The following L3MBTL4 variants were observed in gnomAD, a reference collection of about 807,000 sequenced individuals.
The protein encoded by L3MBTL4 is lethal(3)malignant brain tumor-like protein 4.
Under a neutral mutation model 84.5 loss-of-function variants are expected in L3MBTL4, and 70 were observed. That is an observed-to-expected ratio of 0.83 (90% CI 0.68 to 1.01). The LOEUF (loss-of-function observed/expected upper bound fraction) is 1.01, where lower values mean the gene tolerates loss of function less well. Among genes scored for constraint, L3MBTL4 ranks in the 50% least tolerant of loss-of-function variants. The pLI, the probability that L3MBTL4 is intolerant of heterozygous loss-of-function variation, is 0.00. For missense variants in L3MBTL4, 715 were observed against 754.8 expected (o/e 0.95, Z 0.62); for synonymous variants, 274 against 259.8 (o/e 1.05, Z -0.52).
intron 10 of L3MBTL4, among the ~76,000 whole-genome samples, chr18:6,235,086 C>T (rs1420757525): frequency 1.3e-5 from 2 of 152,150 alleles, no homozygotes; most frequent in Non-Finnish European, 2.9e-5. Flanking sequence ...CCAAACACCA[C>T]ATTTTCTCAC....
chr18:6,311,764 T>C (rs112664172), intron 2 of L3MBTL4, 108 bp from the exon 3 acceptor site: 5 of 678,598 alleles, frequency 7.4e-6, no homozygotes, highest in African/African-American at 7.2e-5. Context: ...AGTTGGTTAC[T>C]ATAAATAACC....
rs140374046 is a variant in L3MBTL4, at chr18:6,244,504, A to T, written c.304T>A (p.Cys102Ser). 1.3e-5 allele frequency: 21 copies of T among 1,612,670 alleles called. No homozygotes were observed. The African/African-American group carries it at 1.3e-4, about 10-fold the overall frequency. Residue 102 changes from cysteine to serine, a missense_variant, in exon 6 of 19, where the codon TGT becomes AGT. Physicochemically the swap from Cys to Ser is moderately radical, Grantham distance 112. Coordinates refer to ENST00000317931, the MANE Select transcript of L3MBTL4 (RefSeq NM_001330559.2). ...CTTACCTCCGCTACAGAAAGCACAC[A>T]GAATACCGATGGATGTCGGGGATCA... ...GIDPRHPSVF[C>S]VLSVAEVCGY...
intron 10 of L3MBTL4, among the ~76,000 whole-genome samples, chr18:6,221,082 T>G (rs2046531240): frequency 6.6e-6 from 1 of 152,218 alleles, no homozygotes; most frequent in African/African-American, 2.4e-5. Context: ...TTTCAGATTT[T>G]TTTTTAAAGG....
intron 16 of L3MBTL4, among the ~76,000 whole-genome samples, chr18:6,077,038 G>C (rs1030387486): frequency 1.3e-5 from 2 of 152,124 alleles, no homozygotes; most frequent in East Asian, 3.9e-4. Context: ...CAGGGAGCAG[G>C]TTCTGTCCCA....
At chr18:6,127,529 G>T (rs961236002) in intron 14 of L3MBTL4, among the ~76,000 whole-genome samples, 1 of 152,176 alleles carries the variant, frequency 6.6e-6, no homozygotes, top group Non-Finnish European at 1.5e-5. Context: ...ATAAGTTAGA[G>T]AATACATAGC....
At chr18:6,109,050 T>C (rs1019427090) in intron 14 of L3MBTL4, among the ~76,000 whole-genome samples, 1 of 152,162 alleles carries the variant, frequency 6.6e-6, no homozygotes, top group African/African-American at 2.4e-5. Context: ...CAAGGGACTA[T>C]GAGTCTATGC....
At chr18:6,012,929 T>C (rs1474946084) in intron 16 of L3MBTL4, among the ~76,000 whole-genome samples, 3 of 152,162 alleles carry the variant, frequency 2.0e-5, no homozygotes, top group Non-Finnish European at 2.9e-5. Flanking sequence ...CTGGCACCTC[T>C]CCTCTCTTCT....
chr18:6,071,072 A>T (rs1285550854), intron 16 of L3MBTL4, among the ~76,000 whole-genome samples: 1 of 152,158 alleles, frequency 6.6e-6, no homozygotes, highest in Non-Finnish European at 1.5e-5. Flanking sequence ...CAAACTACTG[A>T]GAAAAATAGA....
chr18:5,993,686 A>T (rs935747759), intron 16 of L3MBTL4, among the ~76,000 whole-genome samples: 2 of 152,214 alleles, frequency 1.3e-5, no homozygotes, highest in African/African-American at 2.4e-5. Context: ...ATTATGCATT[A>T]TAATAATAAT....
chr18:6,030,744 T>C (rs2055754802), intron 16 of L3MBTL4: 2 of 977,768 alleles, frequency 2.0e-6, no homozygotes, highest in African/African-American at 1.8e-5. Flanking sequence ...CTCTACTCCC[T>C]ATTTCGTTAA....
intron 12 of L3MBTL4, among the ~76,000 whole-genome samples, chr18:6,191,713 G>A (rs961642020): frequency 6.6e-6 from 1 of 152,156 alleles, no homozygotes; most frequent in Non-Finnish European, 1.5e-5. Flanking sequence ...ATTGGGCTAG[G>A]TGCAGTGGTT....
At chr18:5,993,685 TATA>T (rs1176003111) in intron 16 of L3MBTL4, among the ~76,000 whole-genome samples, 2 of 152,216 alleles carry the variant, frequency 1.3e-5, no homozygotes, top group Non-Finnish European at 2.9e-5. Context: ...AATTATGCAT[TATA>T]ATAATAATCA....
At chr18:6,142,018 G>A (rs1029051388) in intron 13 of L3MBTL4, among the ~76,000 whole-genome samples, 25 of 152,148 alleles carry the variant, frequency 1.6e-4, no homozygotes, top group Non-Finnish European at 3.5e-4. Context: ...TTTGCATGCT[G>A]GCAAGAACAT....
At chr18:6,257,338 A>G (rs1192564161) in intron 5 of L3MBTL4, among the ~76,000 whole-genome samples, 1 of 152,116 alleles carries the variant, frequency 6.6e-6, no homozygotes, top group Non-Finnish European at 1.5e-5. Context: ...TCACAATTTC[A>G]CCGAGAGACA....
chr18:6,331,550 T>C (rs746403281), intron 1 of L3MBTL4, among the ~76,000 whole-genome samples: 3 of 152,074 alleles, frequency 2.0e-5, no homozygotes, highest in African/African-American at 4.8e-5. Flanking sequence ...CCAACCTAAG[T>C]GTCATAAGAA....
intron 13 of L3MBTL4, among the ~76,000 whole-genome samples, chr18:6,165,921 G>C (rs560457607): frequency 4.6e-5 from 7 of 152,270 alleles, no homozygotes; most frequent in Middle Eastern, 3.4e-3. Context: ...TCAGTGTGCT[G>C]TATTCAGGAA....
At chr18:5,963,502 C>T (rs938910721) in intron 17 of L3MBTL4, among the ~76,000 whole-genome samples, 4 of 152,206 alleles carry the variant, frequency 2.6e-5, no homozygotes, top group African/African-American at 9.7e-5. Context: ...ACCTCATCCT[C>T]CACCTGGCCA....
chr18:6,004,997 ATTTTTTTTTTTTTTT>A (rs60294342), intron 16 of L3MBTL4, among the ~76,000 whole-genome samples: 2 of 52,156 alleles, frequency 3.8e-5, no homozygotes, highest in African/African-American at 1.4e-4. Flanking sequence ...TAAGATGATA[ATTTTTTTTTTTTTTT>A]TTTTTTTTTT....
intron 1 of L3MBTL4, among the ~76,000 whole-genome samples, chr18:6,347,924 GACTA>G (rs1396777427): frequency 1.8e-4 from 27 of 151,740 alleles, no homozygotes; most frequent in Non-Finnish European, 5.9e-5. Flanking sequence ...AAATTAAATT[GACTA>G]ACTACCAGAA....
Sources: allele counts gnomAD v4.1 joint callset (sites outside exome capture counted in the v4.1 genomes callset), GRCh38; gene constraint gnomAD v4.1.1; transcripts MANE v1.5; gene names NCBI Gene and HGNC (gene_info 2026-07-23, HGNC 2026-07-21).